LRRTM4: variants seen among roughly 807,000 people sequenced by gnomAD.
LRRTM4 encodes the protein leucine rich repeat transmembrane neuronal 4.
Under a neutral mutation model 47.6 loss-of-function variants are expected in LRRTM4, and 25 were observed. The ratio of observed to expected loss-of-function variants is 0.53; its 90% confidence interval spans 0.38 to 0.73. The LOEUF (loss-of-function observed/expected upper bound fraction) is 0.73, where lower values mean the gene tolerates loss of function less well. Ranked by LOEUF, LRRTM4 falls within the 30% of genes least tolerant of loss-of-function variation. LRRTM4 has a pLI of 0.00. For synonymous variants in LRRTM4, 311 were observed against 269.5 expected (o/e 1.15, Z -1.51); for missense variants, 638 against 713.4 (o/e 0.89, Z 1.20).
At chr2:77,135,379 G>T (rs1313438782) in intron 3 of LRRTM4, among the ~76,000 whole-genome samples, 2 of 152,054 alleles carry the variant, frequency 1.3e-5, no homozygotes, top group African/African-American at 4.8e-5. Context: ...TCATAACCAG[G>T]GTACAGGTAC....
intron 3 of LRRTM4, among the ~76,000 whole-genome samples, chr2:76,841,423 A>C (rs1011903668): frequency 6.6e-6 from 1 of 152,008 alleles, no homozygotes; most frequent in Non-Finnish European, 1.5e-5. Context: ...CTTAAAGTAT[A>C]ATAATAATAA....
chr2:77,089,843 C>A (rs1015266595), intron 3 of LRRTM4, among the ~76,000 whole-genome samples: 2 of 152,162 alleles, frequency 1.3e-5, no homozygotes, highest in Non-Finnish European at 2.9e-5. Flanking sequence ...CTAAATAATT[C>A]TTGTCGTAAA....
intron 3 of LRRTM4, among the ~76,000 whole-genome samples, chr2:76,894,440 G>C (rs1673347421): frequency 6.6e-6 from 1 of 152,000 alleles, no homozygotes; most frequent in African/African-American, 2.4e-5. Flanking sequence ...GACCAGTTTT[G>C]AGGATATGTC....
intron 3 of LRRTM4, among the ~76,000 whole-genome samples, chr2:76,795,884 C>G (rs979300436): frequency 2.6e-5 from 4 of 151,948 alleles, no homozygotes; most frequent in African/African-American, 9.7e-5. Flanking sequence ...CGGGTGATTT[C>G]TGCATTTCCA....
chr2:77,021,339 C>A (rs1445077276), intron 3 of LRRTM4, among the ~76,000 whole-genome samples: 1 of 152,022 alleles, frequency 6.6e-6, no homozygotes, highest in Non-Finnish European at 1.5e-5. Flanking sequence ...GGACATGCAT[C>A]AGTGGAGTCA....
intron 3 of LRRTM4, among the ~76,000 whole-genome samples, chr2:77,117,522 T>A (rs1318355666): frequency 6.6e-6 from 1 of 151,912 alleles, no homozygotes; most frequent in Non-Finnish European, 1.5e-5. Flanking sequence ...CTTTTCTTTT[T>A]TTTCCCCAAA....
At position 76,881,030 on chromosome 2, in the gene LRRTM4, G is replaced by A. The variant is rs536165932; in HGVS notation, c.1552-132114C>T. On this transcript the variant is annotated intron_variant, in intron 3 of 3. Transcript: ENST00000409884. The stretch of plus-strand genomic sequence containing the variant: ...GAGGATTAAATTCTAGTGTTCTATA[G>A]TACCGTAGGATGGCTATAGTTGACA... 2.0e-5 allele frequency among the ~76,000 whole-genome samples: 3 copies of A among 152,206 alleles called. No individual in the cohort carries two copies. The South Asian group carries it at 6.2e-4, about 32-fold the overall frequency.
chr2:77,501,372 C>T (rs958957552), intron 3 of LRRTM4, among the ~76,000 whole-genome samples: 38 of 150,096 alleles, frequency 2.5e-4, no homozygotes, highest in Non-Finnish European at 4.3e-4. Flanking sequence ...AAATATAATG[C>T]ATAAAATGTT....
chr2:76,852,009 T>G (rs1374305268), intron 3 of LRRTM4, among the ~76,000 whole-genome samples: 1 of 152,130 alleles, frequency 6.6e-6, no homozygotes, highest in Non-Finnish European at 1.5e-5. Context: ...GCATGTACAT[T>G]AAAGACTCAA....
intron 3 of LRRTM4, among the ~76,000 whole-genome samples, chr2:77,048,763 G>A (rs751366856): frequency 6.6e-6 from 1 of 151,330 alleles, no homozygotes; most frequent in Non-Finnish European, 1.5e-5. Context: ...TTGTTTCTTT[G>A]TGTTGAGAAC....
intron 3 of LRRTM4, among the ~76,000 whole-genome samples, chr2:76,766,098 G>A (rs944889793): frequency 3.3e-5 from 5 of 152,170 alleles, no homozygotes; most frequent in African/African-American, 9.7e-5. Context: ...TCCAGAGAAA[G>A]TACCTCTGAA....
chr2:76,820,813 T>C (rs1018015185), intron 3 of LRRTM4, among the ~76,000 whole-genome samples: 2 of 151,770 alleles, frequency 1.3e-5, no homozygotes, highest in Admixed American at 1.3e-4. Context: ...AATAGTGTTA[T>C]TGCACTAATA....
At position 77,492,361 on chromosome 2, in the gene LRRTM4, G is replaced by A. The variant is rs549774473; in HGVS notation, c.1551+25957C>T. ...TGTCACCTCGAACTCCTGAGCTCAA[G>A]GAATCCTTTTGCTTTAGCCTCTAGA... is the stretch of plus-strand genomic sequence containing the variant. On this transcript the variant is annotated intron_variant, in intron 3 of 3. Transcript: ENST00000409884. Among the ~76,000 whole-genome samples the A allele has an allele frequency of 1.1e-4, 17 of 152,244 alleles. No homozygotes were observed. In the South Asian group the frequency reaches 3.5e-3, roughly 32 times the overall value.
rs57484946 is a variant in LRRTM4, at chr2:77,073,662, T to A, written c.1552-324746A>T. ...CATAATCTTCAAATACATTGAAAAATATGGGTATAATGAGTGAATGTGAAT... is the reference window on the plus strand; with the variant it reads ...CATAATCTTCAAATACATTGAAAAAAATGGGTATAATGAGTGAATGTGAAT... On this transcript the variant is annotated intron_variant, in intron 3 of 3. Coordinates refer to ENST00000409884, the MANE Select transcript of LRRTM4 (RefSeq NM_001134745.3). Among the ~76,000 whole-genome samples the A allele has an allele frequency of 7.2e-3, 1,096 of 152,198 alleles. 12 individuals are homozygous for A. The highest frequency in any genetic ancestry group is 0.022 in the African/African-American group (909 of 41,544).
At chr2:77,112,792 T>G (rs943552300) in intron 3 of LRRTM4, among the ~76,000 whole-genome samples, 3 of 152,156 alleles carry the variant, frequency 2.0e-5, no homozygotes, top group Non-Finnish European at 2.9e-5. Context: ...AGAACGGCTT[T>G]GTGGGTCTCT....
chr2:76,996,851 C>T (rs975918035), intron 3 of LRRTM4, among the ~76,000 whole-genome samples: 19 of 152,032 alleles, frequency 1.2e-4, no homozygotes, highest in African/African-American at 4.1e-4. Context: ...GAGAGTCATA[C>T]CTATTGCAAT....
intron 3 of LRRTM4, among the ~76,000 whole-genome samples, chr2:77,117,708 T>C: frequency 6.6e-6 from 1 of 151,974 alleles, no homozygotes; most frequent in East Asian, 1.9e-4. Context: ...TATAAGAAAT[T>C]CACAAATTGT....
chr2:76,862,874 C>T (rs757899640), intron 3 of LRRTM4, among the ~76,000 whole-genome samples: 1 of 152,130 alleles, frequency 6.6e-6, no homozygotes, highest in Non-Finnish European at 1.5e-5. Context: ...AAGATGTATT[C>T]TTATTTTTGC....
chr2:77,317,418 G>A (rs1202179020), intron 3 of LRRTM4, among the ~76,000 whole-genome samples: 1 of 151,904 alleles, frequency 6.6e-6, no homozygotes, highest in South Asian at 2.1e-4. Context: ...TTCTCTTTAG[G>A]CTCTTCTTGC....
Sources: allele counts gnomAD v4.1 joint callset (sites outside exome capture counted in the v4.1 genomes callset), GRCh38; gene constraint gnomAD v4.1.1; transcripts MANE v1.5; gene names NCBI Gene and HGNC (gene_info 2026-07-23, HGNC 2026-07-21).